Variants in CEP128 observed in about 807,000 individuals in gnomAD.
CEP128 encodes the protein centrosomal protein 128.
A neutral mutation model predicts 156.7 loss-of-function variants in CEP128; 132 were observed. That is an observed-to-expected ratio of 0.84 (90% CI 0.73 to 0.97). The LOEUF (loss-of-function observed/expected upper bound fraction) is 0.97. Ranked by LOEUF, CEP128 falls within the 50% of genes least tolerant of loss-of-function variation. CEP128 has a pLI of 0.00. For synonymous variants in CEP128, 469 were observed against 448.9 expected (o/e 1.04, Z -0.57); for missense variants, 1,252 against 1,281.9 (o/e 0.98, Z 0.36).
intron 23 of CEP128, among the ~76,000 whole-genome samples, chr14:80,510,189 T>C (rs1888178932): frequency 6.6e-6 from 1 of 152,152 alleles, no homozygotes; most frequent in South Asian, 2.1e-4. Flanking sequence ...GGGGTTGCAC[T>C]GAATTTGTAG....
chr14:80,575,389 A>C (rs1430897393), intron 20 of CEP128, among the ~76,000 whole-genome samples: 1 of 152,162 alleles, frequency 6.6e-6, no homozygotes, highest in African/African-American at 2.4e-5. Context: ...TTATTGCCAC[A>C]TCATGACTTT....
intron 21 of CEP128, among the ~76,000 whole-genome samples, chr14:80,551,366 A>T (rs1487062923): frequency 6.6e-6 from 1 of 152,210 alleles, no homozygotes; most frequent in East Asian, 1.9e-4. Context: ...CTATTCGATT[A>T]CTGTAATATT....
chr14:80,905,989 C>G lies in CEP128; in HGVS notation c.327G>C (p.Leu109Phe). The change falls in exon 5 of 25, where the codon TTG becomes TTC. Residue 109 changes from leucine (L) to phenylalanine (F), a missense_variant. Leu to Phe is a conservative substitution (Grantham distance 22). Transcript: ENST00000555265. ...TGCCACCATCAAGGTCACTTGCACT[C>G]AAACTTGTAACAGAAATACTTCTCC... is the stretch of plus-strand genomic sequence containing the variant. ...SGGRSISVTS[L>F]SASDLDGGTG... The G allele has an allele frequency of 1.9e-6, 3 of 1,613,358 alleles. No homozygotes were observed. Among genetic ancestry groups the G allele is most frequent in the Non-Finnish European group, 2.5e-6 (3 of 1,179,648 alleles).
In CEP128 at chr14:80,480,585, G is replaced by A. The variant is rs117327161; in HGVS notation, c.*311-2178C>T. Among the ~76,000 whole-genome samples, 1,213 of 152,264 alleles carry A rather than the reference G, an allele frequency of 8.0e-3. 30 individuals are homozygous for A. The highest frequency in any genetic ancestry group is 4.5e-3 in the Non-Finnish European group (304 of 68,012). On this transcript the variant is annotated intron_variant and NMD_transcript_variant, in intron 14 of 14. Coordinates refer to the CEP128 transcript ENST00000554502. ...GGCCTGTGATGGGAGGGGCTGCCGAGAAGGTCTCTGACATGGCCTGGAGAT... is the reference window on the plus strand; with the variant it reads ...GGCCTGTGATGGGAGGGGCTGCCGAAAAGGTCTCTGACATGGCCTGGAGAT...
intron 19 of CEP128, among the ~76,000 whole-genome samples, chr14:80,628,065 A>G (rs963523563): frequency 1.6e-4 from 25 of 152,194 alleles, no homozygotes; most frequent in African/African-American, 5.8e-4. Flanking sequence ...CTTAAATTGC[A>G]AGAACAGAAA....
chr14:80,910,262 T>C (rs1164661186), intron 4 of CEP128, among the ~76,000 whole-genome samples: 2 of 152,164 alleles, frequency 1.3e-5, no homozygotes, highest in African/African-American at 4.8e-5. Context: ...GCAAATAAAA[T>C]TTGGGCACTG....
intron 3 of CEP128, among the ~76,000 whole-genome samples, chr14:80,915,410 C>T (rs998211454): frequency 2.6e-5 from 4 of 152,226 alleles, no homozygotes; most frequent in African/African-American, 9.6e-5. Context: ...TTACCCTCTT[C>T]TTATCTAAGC....
chr14:80,919,214 T>A (rs1884719647), intron 2 of CEP128, among the ~76,000 whole-genome samples: 1 of 152,214 alleles, frequency 6.6e-6, no homozygotes, highest in Non-Finnish European at 1.5e-5. Flanking sequence ...TAATCAGTTA[T>A]CTGAAGACAA....
At chr14:80,536,017 G>T (rs1310353806) in intron 21 of CEP128, among the ~76,000 whole-genome samples, 1 of 152,202 alleles carries the variant, frequency 6.6e-6, no homozygotes, top group African/African-American at 2.4e-5. Flanking sequence ...AGAGTAAGCT[G>T]TCAGTTTTGC....
At chr14:80,782,970 T>C (rs1298120907) in intron 15 of CEP128, among the ~76,000 whole-genome samples, 1 of 152,180 alleles carries the variant, frequency 6.6e-6, no homozygotes, top group Non-Finnish European at 1.5e-5. Context: ...TCATCCTCTT[T>C]TTATTCCCTG....
At chr14:80,581,111 C>T (rs982180007) in intron 19 of CEP128, among the ~76,000 whole-genome samples, 18 of 152,112 alleles carry the variant, frequency 1.2e-4, no homozygotes, top group Non-Finnish European at 1.8e-4. Flanking sequence ...TGTCTCAGTG[C>T]CCTACATTAA....
intron 23 of CEP128, among the ~76,000 whole-genome samples, chr14:80,520,783 G>T (rs1190395529): frequency 4.6e-5 from 7 of 151,926 alleles, no homozygotes; most frequent in Non-Finnish European, 8.8e-5. Context: ...TTTAATGATG[G>T]TTCATAGGAA....
intron 19 of CEP128, among the ~76,000 whole-genome samples, chr14:80,583,955 T>C (rs1891696556): frequency 6.6e-6 from 1 of 152,166 alleles, no homozygotes; most frequent in Admixed American, 6.5e-5. Context: ...TGAGATCACC[T>C]AGTTAGTACA....
chr14:80,746,734 G>A (rs1899122086), intron 18 of CEP128, among the ~76,000 whole-genome samples: 1 of 152,140 alleles, frequency 6.6e-6, no homozygotes, highest in Admixed American at 6.5e-5. Flanking sequence ...GAAAAAAGCT[G>A]ACAAATTGAA....
chr14:80,914,809 T>C (rs749267737), intron 3 of CEP128, among the ~76,000 whole-genome samples: 3 of 152,184 alleles, frequency 2.0e-5, no homozygotes, highest in Non-Finnish European at 4.4e-5. Flanking sequence ...AAGATCAATG[T>C]GATTTTGACT....
chr14:80,590,693 T>C (rs1366895622), intron 19 of CEP128, among the ~76,000 whole-genome samples: 1 of 152,012 alleles, frequency 6.6e-6, no homozygotes. Context: ...GTACATACAA[T>C]AGATATCTTT....
rs35523389 is a variant in CEP128 at position 80,541,443 on chromosome 14, T to TAAAAAAAAA, written c.2881-10566_2881-10558dup. On this transcript the variant is annotated intron_variant, in intron 21 of 24. Transcript: ENST00000555265. ...CAGAAAGTGAAGCTAATGACTGTGT[T>TAAAAAAAAA]AAAAAAAAAAAAAAAAAAAAAACCA... 3.7e-4 allele frequency among the ~76,000 whole-genome samples: 41 copies of TAAAAAAAAA among 109,908 alleles called. 1 individual carries two copies. Among genetic ancestry groups the TAAAAAAAAA allele is most frequent in the African/African-American group, 1.5e-3 (40 of 26,216 alleles). The allele number at this position is 109,908 out of a possible 152,430, so 72.1% of individuals were successfully genotyped here.
intron 2 of CEP128, among the ~76,000 whole-genome samples, chr14:80,951,601 G>A (rs1594880418): frequency 6.6e-6 from 1 of 151,952 alleles, no homozygotes; most frequent in East Asian, 1.9e-4. Flanking sequence ...AAGGAGAATT[G>A]GATCAAATAA....
At chr14:80,715,126 G>GA (rs1897556951) in intron 19 of CEP128, among the ~76,000 whole-genome samples, 1 of 152,056 alleles carries the variant, frequency 6.6e-6, no homozygotes, top group African/African-American at 2.4e-5. Context: ...GGAAGGCTGA[G>GA]ATGGGAGGAT....
Sources: gnomAD v4.1 joint callset for allele counts (sites outside exome capture counted in the v4.1 genomes callset) on GRCh38, gnomAD v4.1.1 for gene constraint, MANE v1.5 for transcripts, NCBI Gene and HGNC (gene_info 2026-07-23, HGNC 2026-07-21) for gene names.